H3-4: variants seen among roughly 807,000 people sequenced by gnomAD.
H3-4 encodes H3.4 histone, cluster member.
Under a neutral mutation model 3.8 loss-of-function variants are expected in H3-4, and 6 were observed. The ratio of observed to expected loss-of-function variants is 1.59; its 90% CI spans 0.87 to 3.13. H3-4 has a LOEUF of 3.13. Ranked by LOEUF, H3-4 falls within the 30% of genes most tolerant of loss-of-function variation. H3-4 has a pLI of 0.00. For missense variants in H3-4, 298 were observed against 202.4 expected (o/e 1.47, Z -2.87); for synonymous variants, 138 against 86.5 (o/e 1.60, Z -3.30).
Position 228,425,076 on chromosome 1 carries a change from G to A in H3-4, c.250C>T (p.Arg84Cys), listed in dbSNP as rs758908744. ...GCCATCACGGCCGAGCTCTGGAAGCGCAGGTCGGTCTTAAAGTCCTGAGCG... is the reference window on the plus strand; with the variant it reads ...GCCATCACGGCCGAGCTCTGGAAGCACAGGTCGGTCTTAAAGTCCTGAGCG... ...EIAQDFKTDLRFQSSAVMALQ... is the reference protein window; with the variant it reads ...EIAQDFKTDLCFQSSAVMALQ... Residue 84 changes from arginine (R) to cysteine (C), a missense_variant, in exon 1 of 1, where the codon CGC (arginine) becomes TGC (cysteine). Transcript: ENST00000366696. 8 of 1,614,150 alleles carry A rather than the reference G, an allele frequency of 5.0e-6. No individual in the cohort carries two copies. Among genetic ancestry groups the A allele is most frequent in the African/African-American group, 4.0e-5 (3 of 74,954 alleles).
Position 228,425,063 on chromosome 1 carries a change from G to A in H3-4, c.263C>T (p.Ser88Leu), listed in dbSNP as rs1482262254. 1.9e-6 allele frequency: 3 copies of A among 1,614,154 alleles called. No individual in the cohort carries two copies. The highest frequency in any genetic ancestry group is 2.5e-6 in the Non-Finnish European group (3 of 1,180,054). ...DFKTDLRFQS[S>L]AVMALQEACE... is the part of the protein sequence containing the mutation. The stretch of plus-strand genomic sequence containing the variant: ...CGCCTCCTGCAGCGCCATCACGGCC[G>A]AGCTCTGGAAGCGCAGGTCGGTCTT... Residue 88 changes from serine (S) to leucine (L), a missense_variant, in exon 1 of 1, where the codon TCG becomes TTG. By Grantham distance (145) the Ser-to-Leu change is moderately radical. Transcript: ENST00000366696.
At position 228,424,862 on chromosome 1, in the gene H3-4, A is replaced by G. The variant is rs1657410216; in HGVS notation, c.*53T>C. ...CTTCGACCAGGTGGGTGGCTCTTAA[A>G]AGAGCCTTTGGGGTGAACGTTGCGC... On this transcript the variant is annotated 3_prime_UTR_variant, in exon 1 of 1. Transcript: ENST00000366696. The G allele has an allele frequency of 1.2e-6, 2 of 1,611,922 alleles. No homozygotes were observed. The highest frequency in any genetic ancestry group is 1.3e-5 in the African/African-American group (1 of 74,996).
rs375918041 is a variant in H3-4, at chr1:228,425,303, G to A, written c.23C>T (p.Ala8Val). ...CGCCTTGCCACCCGTTGACTTGCGC[G>A]CAGTCTGCTTGGTTCGGGCCATGAA... is the stretch of plus-strand genomic sequence containing the variant. MARTKQT[A>V]RKSTGGKAPR... The change falls in exon 1 of 1, where the codon GCG becomes GTG. Residue 8 changes from alanine to valine, a missense_variant. Transcript: ENST00000366696. The A allele has an allele frequency of 1.4e-5, 22 of 1,613,922 alleles. No homozygotes were observed. The East Asian group carries it at 2.7e-4, about 20-fold the overall frequency.
Position 228,425,347 on chromosome 1 carries a change from G to C in H3-4, c.-22C>G, listed in dbSNP as rs542244475. On this transcript the variant is annotated 5_prime_UTR_variant, in exon 1 of 1. Coordinates refer to ENST00000366696, the MANE Select transcript of H3-4 (RefSeq NM_003493.3). ...CCATGAATCCGAAACTGTTGGCCCCGCGGTGTCCTCTGCCCAGACCTCAGC... is the reference window on the plus strand; with the variant it reads ...CCATGAATCCGAAACTGTTGGCCCCCCGGTGTCCTCTGCCCAGACCTCAGC... 6 of 1,613,656 alleles carry C rather than the reference G, an allele frequency of 3.7e-6. No individual in the cohort carries two copies. Among genetic ancestry groups the C allele is most frequent in the East Asian group, 2.2e-5 (1 of 44,852 alleles).
rs143162679 is a variant in H3-4, at chr1:228,425,079, G to T, written c.247C>A (p.Leu83Met). Residue 83 changes from leucine (L) to methionine (M), a missense_variant, in exon 1 of 1, where the codon CTG (leucine) becomes ATG (methionine). Leu to Met is a conservative substitution (Grantham distance 15). Coordinates refer to ENST00000366696, the MANE Select transcript of H3-4 (RefSeq NM_003493.3). ...REIAQDFKTD[L>M]RFQSSAVMAL... ...ATCACGGCCGAGCTCTGGAAGCGCA[G>T]GTCGGTCTTAAAGTCCTGAGCGATC... 6.2e-7 allele frequency: 1 copy of T among 1,614,278 alleles called. No homozygotes were observed. The highest frequency in any genetic ancestry group is 1.3e-5 in the African/African-American group (1 of 75,084).
rs1001607156 is a variant in H3-4 at position 228,425,038 on chromosome 1, C to G, written c.288G>C (p.Ala96=). The G allele has an allele frequency of 1.2e-6, 2 of 1,614,162 alleles. No individual in the cohort carries two copies. Among genetic ancestry groups the G allele is most frequent in the African/African-American group, 2.7e-5 (2 of 74,962 alleles). Residue 96 remains alanine (A), a synonymous_variant, in exon 1 of 1, where the codon GCG becomes GCC. Coordinates refer to ENST00000366696, the MANE Select transcript of H3-4 (RefSeq NM_003493.3). ...ACAGCCCCACCAGGTAAGACTCGCA[C>G]GCCTCCTGCAGCGCCATCACGGCCG... ...QSSAVMALQE[A]CESYLVGLFE... is the part of the protein sequence containing the mutation.
Position 228,425,000 on chromosome 1 carries a change from T to A in H3-4, c.326A>T (p.Asn109Ile), listed in dbSNP as rs759075657. ...CCGTTTGGCATGGATGACACACAGGTTGGTGTCCTCAAACAGCCCCACCAG... is the reference window on the plus strand; with the variant it reads ...CCGTTTGGCATGGATGACACACAGGATGGTGTCCTCAAACAGCCCCACCAG... ...SYLVGLFEDT[N>I]LCVIHAKRVT... The change falls in exon 1 of 1, where the codon AAC becomes ATC. Residue 109 changes from asparagine (N) to isoleucine (I), a missense_variant. By Grantham distance (149) the Asn-to-Ile change is moderately radical. Coordinates refer to ENST00000366696, the MANE Select transcript of H3-4 (RefSeq NM_003493.3). 1.9e-6 allele frequency: 3 copies of A among 1,614,072 alleles called. No homozygotes were observed. The highest frequency in any genetic ancestry group is 2.5e-6 in the Non-Finnish European group (3 of 1,180,030).
Position 228,424,900 on chromosome 1 carries a change from G to A in H3-4, c.*15C>T, listed in dbSNP as rs780890873. The A allele has an allele frequency of 2.5e-6, 4 of 1,614,114 alleles. No individual in the cohort carries two copies. The South Asian group carries it at 4.4e-5, about 18-fold the overall frequency. ...GTGAACGTTGCGCAACCTCTCAGGT[G>A]GCGAGATAGCCCTCCTAGGCCCGCT... On this transcript the variant is annotated 3_prime_UTR_variant, in exon 1 of 1. Coordinates refer to ENST00000366696, the MANE Select transcript of H3-4 (RefSeq NM_003493.3).
rs144064739 is a variant in H3-4, at chr1:228,425,122, G to T, written c.204C>A (p.Phe68Leu). The change falls in exon 1 of 1, where the codon TTC (phenylalanine) becomes TTA (leucine). Residue 68 changes from phenylalanine to leucine, a missense_variant. By Grantham distance (22) the Phe-to-Leu change is conservative. Transcript: ENST00000366696. ...STELLIRKLP[F>L]QRLMREIAQD... is the part of the protein sequence containing the mutation. ...GAGCGATCTCGCGCATCAGCCGCTG[G>T]AAGGGCAACTTGCGGATTAGCAGCT... is the stretch of plus-strand genomic sequence containing the variant. 1.5e-4 allele frequency: 240 copies of T among 1,614,072 alleles called. 1 individual carries two copies. The East Asian group carries it at 5.3e-3, about 36-fold the overall frequency.
Position 228,425,276 on chromosome 1 carries a change from G to A in H3-4, c.50C>T (p.Pro17Leu), listed in dbSNP as rs151071964. ...CACCTTGGTGGCCAGCTGCTTGCGC[G>A]GCGCCTTGCCACCCGTTGACTTGCG... ...TARKSTGGKA[P>L]RKQLATKVAR... Residue 17 changes from proline to leucine, a missense_variant, in exon 1 of 1, where the codon CCG (proline) becomes CTG (leucine). Transcript: ENST00000366696. 6.8e-6 allele frequency: 11 copies of A among 1,613,812 alleles called. No individual in the cohort carries two copies. Among genetic ancestry groups the A allele is most frequent in the Non-Finnish European group, 8.5e-6 (10 of 1,179,802 alleles).
At position 228,425,309 on chromosome 1, in the gene H3-4, T is replaced by A. The variant is rs779875414; in HGVS notation, c.17A>T (p.Gln6Leu). The part of the protein sequence containing the change: MARTK[Q>L]TARKSTGGKA... ...GCCACCCGTTGACTTGCGCGCAGTCTGCTTGGTTCGGGCCATGAATCCGAA... is the reference window on the plus strand; with the variant it reads ...GCCACCCGTTGACTTGCGCGCAGTCAGCTTGGTTCGGGCCATGAATCCGAA... Residue 6 changes from glutamine (Q) to leucine (L), a missense_variant, in exon 1 of 1, where the codon CAG (glutamine) becomes CTG (leucine). Physicochemically the swap from Gln to Leu is moderately radical, Grantham distance 113. Transcript: ENST00000366696. 2 of 1,613,910 alleles carry A rather than the reference T, an allele frequency of 1.2e-6. No homozygotes were observed. Among genetic ancestry groups the A allele is most frequent in the Non-Finnish European group, 1.7e-6 (2 of 1,179,828 alleles).
chr1:228,424,948 C>G lies in H3-4; in HGVS notation c.378G>C (p.Gln126His). The G allele has an allele frequency of 6.2e-7, 1 of 1,614,202 alleles. No homozygotes were observed. Among genetic ancestry groups the G allele is most frequent in the Non-Finnish European group, 8.5e-7 (1 of 1,180,036 alleles). ...KRVTIMPKDI[Q>H]LARRIRGERA ...GCTCCCCGCGGATACGGCGTGCCAGCTGGATGTCCTTAGGCATGATGGTGA... is the reference window on the plus strand; with the variant it reads ...GCTCCCCGCGGATACGGCGTGCCAGGTGGATGTCCTTAGGCATGATGGTGA... Residue 126 changes from glutamine (Q) to histidine (H), a missense_variant, in exon 1 of 1, where the codon CAG becomes CAC. Physicochemically the swap from Gln to His is conservative, Grantham distance 24. Coordinates refer to ENST00000366696, the MANE Select transcript of H3-4 (RefSeq NM_003493.3).
Position 228,424,987 on chromosome 1 carries a change from G to T in H3-4, c.339C>A (p.Ile113=). The change falls in exon 1 of 1, where the codon ATC becomes ATA. Residue 113 remains isoleucine, a synonymous_variant. Coordinates refer to ENST00000366696, the MANE Select transcript of H3-4 (RefSeq NM_003493.3). ...GCATGATGGTGACCCGTTTGGCATG[G>T]ATGACACACAGGTTGGTGTCCTCAA... ...GLFEDTNLCV[I]HAKRVTIMPK... 1 of 1,614,252 alleles carries T rather than the reference G, an allele frequency of 6.2e-7. No homozygotes were observed. Among genetic ancestry groups the T allele is most frequent in the Non-Finnish European group, 8.5e-7 (1 of 1,180,044 alleles).
Position 228,424,929 on chromosome 1 carries a change from C to T in H3-4, c.397G>A (p.Gly133Arg), listed in dbSNP as rs759900631. ...AGATAGCCCTCCTAGGCCCGCTCCC[C>T]GCGGATACGGCGTGCCAGCTGGATG... ...KDIQLARRIRGERA is the reference protein window; with the variant it reads ...KDIQLARRIRRERA The change falls in exon 1 of 1, where the codon GGG becomes AGG. Residue 133 changes from glycine to arginine, a missense_variant. Coordinates refer to ENST00000366696, the MANE Select transcript of H3-4 (RefSeq NM_003493.3). 12 of 1,614,142 alleles carry T rather than the reference C, an allele frequency of 7.4e-6. No homozygotes were observed. The highest frequency in any genetic ancestry group is 5.0e-5 in the Admixed American group (3 of 60,014).
chr1:228,424,896 A>T lies in H3-4; in HGVS notation c.*19T>A. 1 of 1,614,158 alleles carries T rather than the reference A, an allele frequency of 6.2e-7. No individual in the cohort carries two copies. The highest frequency in any genetic ancestry group is 8.5e-7 in the Non-Finnish European group (1 of 1,179,990). On this transcript the variant is annotated 3_prime_UTR_variant, in exon 1 of 1. Coordinates refer to ENST00000366696, the MANE Select transcript of H3-4 (RefSeq NM_003493.3). ...TGGGGTGAACGTTGCGCAACCTCTC[A>T]GGTGGCGAGATAGCCCTCCTAGGCC...
rs777882356 is a variant in H3-4 at position 228,425,348 on chromosome 1, C to T, written c.-23G>A. On this transcript the variant is annotated 5_prime_UTR_variant, in exon 1 of 1. Coordinates refer to ENST00000366696, the MANE Select transcript of H3-4 (RefSeq NM_003493.3). The stretch of plus-strand genomic sequence containing the variant: ...CATGAATCCGAAACTGTTGGCCCCG[C>T]GGTGTCCTCTGCCCAGACCTCAGCG... The T allele has an allele frequency of 8.1e-6, 13 of 1,613,550 alleles. 1 individual carries two copies. Among genetic ancestry groups the T allele is most frequent in the South Asian group, 5.5e-5 (5 of 91,082 alleles).
In H3-4 at chr1:228,425,281, C is replaced by T. The variant is rs369770019; in HGVS notation, c.45G>A (p.Lys15=). The change falls in exon 1 of 1, where the codon AAG becomes AAA. Residue 15 remains lysine, a synonymous_variant. Coordinates refer to ENST00000366696, the MANE Select transcript of H3-4 (RefSeq NM_003493.3). The part of the protein sequence containing the change: ...KQTARKSTGG[K]APRKQLATKV... The stretch of plus-strand genomic sequence containing the variant: ...TGGTGGCCAGCTGCTTGCGCGGCGC[C>T]TTGCCACCCGTTGACTTGCGCGCAG... 2 of 1,613,894 alleles carry T rather than the reference C, an allele frequency of 1.2e-6. No individual in the cohort carries two copies. The highest frequency in any genetic ancestry group is 1.3e-5 in the African/African-American group (1 of 75,054).
In H3-4 at chr1:228,424,950, G is replaced by A. The variant is rs751183313; in HGVS notation, c.376C>T (p.Gln126Ter). Residue 126 changes from glutamine to a stop codon, truncating the protein, a stop_gained, in exon 1 of 1, where the codon CAG (glutamine) becomes TAG (stop). Coordinates refer to ENST00000366696, the MANE Select transcript of H3-4 (RefSeq NM_003493.3). LOFTEE classifies it high-confidence loss of function. The stretch of plus-strand genomic sequence containing the variant: ...TCCCCGCGGATACGGCGTGCCAGCT[G>A]GATGTCCTTAGGCATGATGGTGACC... The part of the protein sequence containing the change: ...KRVTIMPKDI[Q>*]LARRIRGERA The A allele has an allele frequency of 7.4e-6, 12 of 1,614,128 alleles. No individual in the cohort carries two copies. Among genetic ancestry groups the A allele is most frequent in the South Asian group, 5.5e-5 (5 of 91,092 alleles).
At position 228,425,136 on chromosome 1, in the gene H3-4, G is replaced by GT. The variant is rs1558465206; in HGVS notation, c.189_190insA (p.Arg64ThrfsTer17). 1.9e-6 allele frequency: 3 copies of GT among 1,614,044 alleles called. No homozygotes were observed. The highest frequency in any genetic ancestry group is 1.6e-4 in the Middle Eastern group (1 of 6,062). ...ATCAGCCGCTGGAAGGGCAACTTGC[G>GT]GATTAGCAGCTCAGTGGACTTCTGG... is the stretch of plus-strand genomic sequence containing the variant. On this transcript the variant is annotated frameshift_variant, in exon 1 of 1. Transcript: ENST00000366696. LOFTEE classifies it high-confidence loss of function.
Sources: allele counts gnomAD v4.1 joint callset, GRCh38; gene constraint gnomAD v4.1.1; transcripts MANE v1.5; gene names NCBI Gene and HGNC (gene_info 2026-07-23, HGNC 2026-07-21).